Variants in PAX3 observed in about 807,000 individuals in gnomAD.
PAX3 encodes the protein paired box protein Pax-3.
In PAX3, 14 loss-of-function variants were observed where a neutral mutation model predicts 51.6. The observed-to-expected ratio is 0.27, with a 90% CI of 0.18 to 0.42. The LOEUF (loss-of-function observed/expected upper bound fraction) is 0.42, where lower values mean the gene tolerates loss of function less well. Among genes scored for constraint, PAX3 ranks in the 10% least tolerant of loss-of-function variants. The pLI is 1.00. For synonymous variants in PAX3, 280 were observed against 253.4 expected, an observed-to-expected ratio of 1.11 and a Z score of -1.00; for missense variants, 540 against 642.8, an observed-to-expected ratio of 0.84 and a Z score of 1.73.
At chr2:222,206,693 T>A (rs1263090034) in intron 7 of PAX3, among the ~76,000 whole-genome samples, 1 of 152,196 alleles carries the variant, frequency 6.6e-6, no homozygotes, top group Non-Finnish European at 1.5e-5. Context: ...CATATTTCTC[T>A]TGAATTAATT....
Position 222,298,693 on chromosome 2 carries a change from G to C in PAX3, c.-78C>G. The stretch of plus-strand genomic sequence containing the variant: ...GGCGAGTGCGGCGCGGATGACCCTC[G>C]GGAACTATCCGGAGCGTGGAGAGCC... On this transcript the variant is annotated 5_prime_UTR_variant, in exon 1 of 9. Coordinates refer to ENST00000392070, the MANE Select transcript of PAX3 (RefSeq NM_181458.4). 3 of 1,383,910 alleles carry C rather than the reference G, an allele frequency of 2.2e-6. No homozygotes were observed. The highest frequency in any genetic ancestry group is 1.8e-4 in the Middle Eastern group (1 of 5,664). The allele number at this position is 1,383,910 out of a possible 1,614,324, so 85.7% of individuals were successfully genotyped here. A position where few individuals can be genotyped will look rare whatever the true frequency, so the allele number is the denominator to read the frequency against.
chr2:222,282,885 A>G (rs1031964341), intron 4 of PAX3, among the ~76,000 whole-genome samples: 2 of 152,232 alleles, frequency 1.3e-5, no homozygotes, highest in African/African-American at 2.4e-5. Context: ...GAACAACTCT[A>G]AGCAGTAATT....
At chr2:222,263,343 T>C (rs1693933687) in intron 4 of PAX3, 2 of 152,188 alleles carry the variant, frequency 1.3e-5, no homozygotes, top group African/African-American at 4.8e-5. Flanking sequence ...GGATATATGG[T>C]TGGCAAATAA....
intron 4 of PAX3, chr2:222,264,375 T>C (rs559501267): frequency 2.2e-4 from 33 of 152,336 alleles, no homozygotes; most frequent in African/African-American, 7.7e-4. Flanking sequence ...AGATTGATGA[T>C]TGCCAGGAGA....
intron 7 of PAX3, among the ~76,000 whole-genome samples, chr2:222,208,618 C>T (rs765043110): frequency 5.3e-5 from 8 of 152,180 alleles, no homozygotes; most frequent in Non-Finnish European, 8.8e-5. Context: ...GCTGTTAACT[C>T]TTCTCATTTC....
At chr2:222,291,027 TA>T (rs1473862223) in intron 4 of PAX3, among the ~76,000 whole-genome samples, 1 of 151,138 alleles carries the variant, frequency 6.6e-6, no homozygotes, top group Non-Finnish European at 1.5e-5. Context: ...CCCGGCGAGC[TA>T]AGCTTCGAGC....
intron 4 of PAX3, among the ~76,000 whole-genome samples, chr2:222,275,439 C>CAA (rs11345696): frequency 6.7e-6 from 1 of 148,198 alleles, no homozygotes; most frequent in African/African-American, 2.5e-5. Flanking sequence ...TTGTCTAGAA[C>CAA]AAAAAAAAAA....
intron 4 of PAX3, among the ~76,000 whole-genome samples, chr2:222,273,016 C>G (rs1291302195): frequency 6.6e-6 from 1 of 152,156 alleles, no homozygotes; most frequent in Non-Finnish European, 1.5e-5. Flanking sequence ...ATCCCCTGGA[C>G]TTTGAGGGGT....
chr2:222,294,358 C>T, intron 3 of PAX3, 57 bp from the exon 4 acceptor site: 1 of 1,603,764 alleles, frequency 6.2e-7, no homozygotes, highest in Non-Finnish European at 8.5e-7. Flanking sequence ...ACAAGCAGGG[C>T]TGTGCGGGAA....
chr2:222,211,061 C>G (rs1193581542), intron 7 of PAX3, among the ~76,000 whole-genome samples: 1 of 152,014 alleles, frequency 6.6e-6, no homozygotes, highest in African/African-American at 2.4e-5. Flanking sequence ...GAGACGAGGT[C>G]TCACTATGTT....
intron 4 of PAX3, among the ~76,000 whole-genome samples, chr2:222,257,341 T>C (rs1473306634): frequency 6.6e-6 from 1 of 152,186 alleles, no homozygotes; most frequent in Non-Finnish European, 1.5e-5. Context: ...TAGAGCCAAA[T>C]ATGAAGGGCC....
chr2:222,254,014 G>T lies in PAX3; in HGVS notation c.587-21731C>A, dbSNP rs146585612. Among the ~76,000 whole-genome samples the T allele has an allele frequency of 2.6e-5, 4 of 152,070 alleles. No homozygotes were observed. In the East Asian group the frequency reaches 7.7e-4, roughly 29 times the overall value. On this transcript the variant is annotated intron_variant, in intron 4 of 8. Transcript: ENST00000392070. Reference sequence around the variant, plus strand: ...ATTCATTTATTCACCAAATACTTACGCAGTGCCTGCATTGTTTCCAGTTAT... The same window carrying T: ...ATTCATTTATTCACCAAATACTTACTCAGTGCCTGCATTGTTTCCAGTTAT...
In PAX3 at chr2:222,220,357, G is replaced by A; in HGVS notation, c.959-3C>T. On this transcript the variant is annotated splice_region_variant and splice_polypyrimidine_tract_variant and intron_variant, in intron 6 of 8. Transcript: ENST00000392070. ...GGTGCTGCTGGGATCTGACACAGCT[G>A]AAATGAAAAAGATTGTCAACCATCA... 6.2e-7 allele frequency: 1 copy of A among 1,613,676 alleles called. No homozygotes were observed. Among genetic ancestry groups the A allele is most frequent in the Non-Finnish European group, 8.5e-7 (1 of 1,179,634 alleles).
intron 4 of PAX3, among the ~76,000 whole-genome samples, chr2:222,293,057 G>A (rs1695102583): frequency 6.6e-6 from 1 of 152,228 alleles, no homozygotes. Flanking sequence ...TGCCACTCTG[G>A]TAAGGGCTCG....
At chr2:222,236,443 G>A (rs1261576676) in intron 4 of PAX3, among the ~76,000 whole-genome samples, 1 of 152,116 alleles carries the variant, frequency 6.6e-6, no homozygotes, top group Admixed American at 6.6e-5. Flanking sequence ...CATTTTAAGA[G>A]CACATAGGAG....
intron 7 of PAX3, among the ~76,000 whole-genome samples, chr2:222,218,724 A>G (rs1692067164): frequency 6.6e-6 from 1 of 152,238 alleles, no homozygotes; most frequent in Non-Finnish European, 1.5e-5. Context: ...ACTTGGAAAT[A>G]AAATGTATTA....
At chr2:222,224,137 A>G (rs139510251) in intron 5 of PAX3, among the ~76,000 whole-genome samples, 90 of 152,362 alleles carry the variant, frequency 5.9e-4, no homozygotes, top group Middle Eastern at 3.4e-3. Flanking sequence ...ATAAATAGGT[A>G]ACAAAGACAT....
chr2:222,294,950 A>G (rs1315885329), intron 3 of PAX3, among the ~76,000 whole-genome samples: 1 of 151,948 alleles, frequency 6.6e-6, no homozygotes, highest in East Asian at 1.9e-4. Context: ...ATGCTCTGAA[A>G]TATGTTTCTC....
intron 7 of PAX3, among the ~76,000 whole-genome samples, chr2:222,219,231 CA>C (rs1692087700): frequency 6.6e-6 from 1 of 151,962 alleles, no homozygotes; most frequent in African/African-American, 2.4e-5. Context: ...TTTTTCTAAC[CA>C]CCAAGAGGAA....
Sources: allele counts gnomAD v4.1 joint callset (sites outside exome capture counted in the v4.1 genomes callset), GRCh38; gene constraint gnomAD v4.1.1; transcripts MANE v1.5; gene names NCBI Gene and HGNC (gene_info 2026-07-23, HGNC 2026-07-21).